LRRC8D: variants seen among roughly 807,000 people sequenced by gnomAD.
The protein encoded by LRRC8D is leucine rich repeat containing 8 VRAC subunit D, also known as volume-regulated anion channel subunit LRRC8D.
A neutral mutation model predicts 55.8 loss-of-function variants in LRRC8D; 20 were observed. That is an observed-to-expected ratio of 0.36 (90% CI 0.25 to 0.52). The LOEUF is 0.52. Among genes scored for constraint, LRRC8D ranks in the 20% least tolerant of loss-of-function variants. The probability of loss-of-function intolerance (pLI) is 0.93; values close to 1 mark genes in which losing one functional copy is unlikely to be tolerated. For synonymous variants in LRRC8D, 352 were observed against 377.0 expected (o/e 0.93, Z 0.77); for missense variants, 651 against 1,030.8 (o/e 0.63, Z 5.05).
chr1:89,911,321 C>A lies in LRRC8D; in HGVS notation c.-2-21746C>A, dbSNP rs1663129496. Among the ~76,000 whole-genome samples the A allele has an allele frequency of 6.6e-6, 1 of 151,964 alleles. No homozygotes were observed. The highest frequency in any genetic ancestry group is 1.5e-5 in the Non-Finnish European group (1 of 67,994). ...AGCAAGATTAATGTTTACCAGTTTG[C>A]TGAAGGGAAAATCAAACAACATATG... On this transcript the variant is annotated intron_variant, in intron 2 of 2. Transcript: ENST00000337338. The surrounding 1 kb of genome is among the most constrained non-coding windows in gnomAD (Gnocchi z 4.0).
At chr1:89,900,115 T>G (rs1049336954) in intron 2 of LRRC8D, among the ~76,000 whole-genome samples, 2 of 152,072 alleles carry the variant, frequency 1.3e-5, no homozygotes, top group Non-Finnish European at 2.9e-5. Flanking sequence ...AAGGGAGGAT[T>G]AAAAGGACTG....
At chr1:89,852,984 TA>T (rs2100771697) in intron 2 of LRRC8D, among the ~76,000 whole-genome samples, 1 of 152,254 alleles carries the variant, frequency 6.6e-6, no homozygotes, top group East Asian at 1.9e-4. Flanking sequence ...GTGGAGTCAT[TA>T]AAGGTAAAAT....
At chr1:89,865,753 T>A (rs1661826467) in intron 2 of LRRC8D, among the ~76,000 whole-genome samples, 1 of 152,328 alleles carries the variant, frequency 6.6e-6, no homozygotes, top group South Asian at 2.1e-4. Context: ...GCTGTAAATG[T>A]CCTGTTCATT....
At chr1:89,849,150 G>T (rs1377123120) in intron 2 of LRRC8D, among the ~76,000 whole-genome samples, 1 of 152,158 alleles carries the variant, frequency 6.6e-6, no homozygotes, top group Non-Finnish European at 1.5e-5. Flanking sequence ...TCTTGAACTA[G>T]ACTATGTAAA....
intron 2 of LRRC8D, among the ~76,000 whole-genome samples, chr1:89,924,861 C>T (rs530064176): frequency 9.2e-5 from 14 of 152,198 alleles, no homozygotes; most frequent in African/African-American, 3.4e-4. Flanking sequence ...GGGAGCTAAA[C>T]ACTGAATACA....
At chr1:89,909,375 G>C (rs1057323067) in intron 2 of LRRC8D, among the ~76,000 whole-genome samples, 7 of 151,988 alleles carry the variant, frequency 4.6e-5, no homozygotes, top group Non-Finnish European at 8.8e-5. Flanking sequence ...GTTTGGTATA[G>C]ATGATTAGGA....
At chr1:89,866,395 A>G (rs577831375) in intron 2 of LRRC8D, among the ~76,000 whole-genome samples, 1 of 152,340 alleles carries the variant, frequency 6.6e-6, no homozygotes, top group East Asian at 1.9e-4. Context: ...CATTTATATC[A>G]GTTTCCTTTA....
At chr1:89,896,320 C>G (rs553201868) in intron 2 of LRRC8D, among the ~76,000 whole-genome samples, 1 of 152,042 alleles carries the variant, frequency 6.6e-6, no homozygotes, top group South Asian at 2.1e-4. Flanking sequence ...CTGGAGGAGC[C>G]CTTAGAGATC....
chr1:89,888,493 A>G (rs1020619857), intron 2 of LRRC8D, among the ~76,000 whole-genome samples: 2 of 152,246 alleles, frequency 1.3e-5, no homozygotes, highest in Non-Finnish European at 2.9e-5. Flanking sequence ...AGATATGTGT[A>G]TATACACAAG....
chr1:89,913,949 C>T (rs767791471), intron 2 of LRRC8D, among the ~76,000 whole-genome samples: 6 of 152,200 alleles, frequency 3.9e-5, no homozygotes, highest in South Asian at 4.1e-4. Flanking sequence ...TTATGCAGTA[C>T]GGATACTGTC....
chr1:89,935,502 C>T lies in LRRC8D; in HGVS notation c.2434C>T (p.Arg812Cys), dbSNP rs1403082993. The T allele has an allele frequency of 3.7e-6, 6 of 1,614,224 alleles. No homozygotes were observed. Among genetic ancestry groups the T allele is most frequent in the Admixed American group, 1.7e-5 (1 of 60,028 alleles). The stretch of plus-strand genomic sequence containing the variant: ...GGAGCTGAAGGGGAACTGCTTGGAC[C>T]GCCTGCCAGCCCAGCTGGGCCAGTG... The part of the protein sequence containing the change: ...QLELKGNCLD[R>C]LPAQLGQCRM... The change falls in exon 3 of 3, where the codon CGC (arginine) becomes TGC (cysteine). Residue 812 changes from arginine to cysteine, a missense_variant. Transcript: ENST00000337338.
intron 2 of LRRC8D, among the ~76,000 whole-genome samples, chr1:89,881,533 AG>A (rs1469741064): frequency 6.6e-6 from 1 of 152,138 alleles, no homozygotes; most frequent in African/African-American, 2.4e-5. Context: ...ACAGTTGCAG[AG>A]TAGGTGGAGA....
chr1:89,849,120 G>A (rs529501811), intron 2 of LRRC8D, among the ~76,000 whole-genome samples: 32 of 152,182 alleles, frequency 2.1e-4, no homozygotes, highest in Non-Finnish European at 4.4e-4. Flanking sequence ...TTCCCTCACT[G>A]TATATCCTGC....
intron 2 of LRRC8D, among the ~76,000 whole-genome samples, chr1:89,905,352 C>T (rs1037905810): frequency 6.6e-6 from 1 of 152,192 alleles, no homozygotes; most frequent in Non-Finnish European, 1.5e-5. Flanking sequence ...CCTCCCAAGA[C>T]TTTTATGGGA....
At position 89,934,496 on chromosome 1, in the gene LRRC8D, G is replaced by T. The variant is rs1180852849; in HGVS notation, c.1428G>T (p.Leu476=). Residue 476 remains leucine, a synonymous_variant, in exon 3 of 3, where the codon CTG becomes CTT. Coordinates refer to ENST00000337338, the MANE Select transcript of LRRC8D (RefSeq NM_001134479.2). The surrounding 1 kb of genome is among the most constrained non-coding windows in gnomAD (Gnocchi z 5.9). The part of the protein sequence containing the change: ...RNAQDKQELH[L]FMLSGVPDAV... ...CCCAGGACAAGCAGGAGTTGCATCT[G>T]TTCATGCTGTCGGGGGTGCCCGATG... The T allele has an allele frequency of 2.5e-6, 4 of 1,614,214 alleles. No homozygotes were observed. Among genetic ancestry groups the T allele is most frequent in the Middle Eastern group, 3.3e-4 (2 of 6,062 alleles).
chr1:89,845,046 A>T (rs1422243091), intron 2 of LRRC8D, among the ~76,000 whole-genome samples: 1 of 152,248 alleles, frequency 6.6e-6, no homozygotes, highest in African/African-American at 2.4e-5. Flanking sequence ...TGTGTAGCAC[A>T]GTATCACATA....
At chr1:89,905,776 C>T (rs948338076) in intron 2 of LRRC8D, among the ~76,000 whole-genome samples, 2 of 152,136 alleles carry the variant, frequency 1.3e-5, no homozygotes, top group East Asian at 1.9e-4. Flanking sequence ...GTCCAGAATT[C>T]GTGACCTTTG....
chr1:89,898,704 A>G (rs1339538669), intron 2 of LRRC8D, among the ~76,000 whole-genome samples: 1 of 152,228 alleles, frequency 6.6e-6, no homozygotes, highest in East Asian at 1.9e-4. Flanking sequence ...AAACACAGAT[A>G]CACATACACA....
chr1:89,881,969 G>T (rs1357182653), intron 2 of LRRC8D, among the ~76,000 whole-genome samples: 1 of 152,144 alleles, frequency 6.6e-6, no homozygotes, highest in East Asian at 1.9e-4. Context: ...CATATCCACT[G>T]CCTTGGTGAT....
Sources: allele counts gnomAD v4.1 joint callset (sites outside exome capture counted in the v4.1 genomes callset), GRCh38; gene constraint gnomAD v4.1.1; non-coding constraint Gnocchi (gnomAD v3.1); transcripts MANE v1.5; gene names NCBI Gene and HGNC (gene_info 2026-07-23, HGNC 2026-07-21).